Variants in DENND1B observed in about 807,000 individuals in gnomAD.
DENND1B encodes DENN domain-containing protein 1B.
In DENND1B, 59 loss-of-function variants were observed where a neutral mutation model predicts 90.1. The observed-to-expected ratio is 0.65, with a 90% CI of 0.53 to 0.81. DENND1B has a LOEUF of 0.81. DENND1B is among the 40% of genes least tolerant of loss of function. The pLI is 0.00. For missense variants in DENND1B, 862 were observed against 912.6 expected (o/e 0.94, Z 0.71); for synonymous variants, 337 against 324.6 (o/e 1.04, Z -0.41).
chr1:197,709,745 A>C (rs1169133841), intron 3 of DENND1B, among the ~76,000 whole-genome samples: 1 of 95,122 alleles, frequency 1.1e-5, no homozygotes, highest in Non-Finnish European at 2.0e-5. Flanking sequence ...CTTTAAATAT[A>C]AATGGACTAA....
chr1:197,525,963 A>G (rs2125623339), intron 20 of DENND1B, among the ~76,000 whole-genome samples: 1 of 152,238 alleles, frequency 6.6e-6, no homozygotes, highest in South Asian at 2.1e-4. Context: ...GAAAAGCCAT[A>G]AAGAAACTTC....
At chr1:197,529,238 ATATATG>A (rs1208910863) in intron 20 of DENND1B, among the ~76,000 whole-genome samples, 5 of 8,864 alleles carry the variant, frequency 5.6e-4, no homozygotes, top group African/African-American at 1.2e-3. Flanking sequence ...ATATATATAT[ATATATG>A]TGTGTGTGTG....
intron 15 of DENND1B, among the ~76,000 whole-genome samples, chr1:197,582,772 C>T (rs1264027999): frequency 6.6e-6 from 1 of 151,234 alleles, no homozygotes; most frequent in African/African-American, 2.4e-5. Context: ...ATTTTATAAA[C>T]TATATTACAA....
chr1:197,607,037 CA>C (rs774541737), intron 13 of DENND1B, 35 bp downstream of exon 13: 3 of 1,471,710 alleles, frequency 2.0e-6, no homozygotes, highest in Non-Finnish European at 2.8e-6. Context: ...CAGGAGAAAA[CA>C]TATATGTTCA....
intron 3 of DENND1B, among the ~76,000 whole-genome samples, chr1:197,674,679 A>G (rs1041922992): frequency 8.5e-5 from 13 of 152,228 alleles, no homozygotes; most frequent in African/African-American, 3.1e-4. Flanking sequence ...AAAAAAAAAA[A>G]AAAGAGAGAG....
chr1:197,687,712 C>G (rs1361030435), intron 3 of DENND1B, among the ~76,000 whole-genome samples: 2 of 152,026 alleles, frequency 1.3e-5, no homozygotes, highest in African/African-American at 4.8e-5. Context: ...TAACATTAGA[C>G]TTAATAGTGA....
chr1:197,670,575 A>G (rs1171748373), intron 5 of DENND1B, among the ~76,000 whole-genome samples: 1 of 151,506 alleles, frequency 6.6e-6, no homozygotes, highest in Non-Finnish European at 1.5e-5. Flanking sequence ...GTTTATATAA[A>G]AGTTTATTGT....
intron 4 of DENND1B, 149 bp from the exon 5 acceptor site, chr1:197,672,305 G>A: frequency 1.0e-6 from 1 of 970,042 alleles, no homozygotes; most frequent in African/African-American, 1.7e-5. Context: ...TAAAACTAGA[G>A]GAAGTGTGAA....
chr1:197,686,327 G>C (rs1404121157), intron 3 of DENND1B, among the ~76,000 whole-genome samples: 1 of 152,000 alleles, frequency 6.6e-6, no homozygotes, highest in African/African-American at 2.4e-5. Context: ...AGCAGATTAA[G>C]GTAAATTCTG....
chr1:197,732,702 T>C lies in DENND1B; in HGVS notation c.83-17628A>G, dbSNP rs190817038. 2.6e-4 allele frequency among the ~76,000 whole-genome samples: 39 copies of C among 152,280 alleles called. No individual in the cohort carries two copies. In the East Asian group the frequency reaches 7.5e-3, roughly 29 times the overall value. On this transcript the variant is annotated intron_variant, in intron 2 of 22. Transcript: ENST00000620048. ...ATAAAACCTTAATTATTGCTCAAGATTGATATGTGACTGACAAGAGGAGAA... is the reference window on the plus strand; with the variant it reads ...ATAAAACCTTAATTATTGCTCAAGACTGATATGTGACTGACAAGAGGAGAA...
rs577963201 is a variant in DENND1B, at chr1:197,505,268, G to A, written c.*5192C>T. ...TGGAAGTTACACTGTCAGAAGGATG[G>A]TGACTTGACATGTGATGCACTAAAC... On this transcript the variant is annotated 3_prime_UTR_variant, in exon 23 of 23. Coordinates refer to ENST00000620048, the MANE Select transcript of DENND1B (RefSeq NM_001195215.2). The A allele has an allele frequency of 6.6e-6, 1 of 151,640 alleles. No homozygotes were observed. Among genetic ancestry groups the A allele is most frequent in the African/African-American group, 2.4e-5 (1 of 41,354 alleles). The allele number at this position is 151,640 out of a possible 1,614,324, so 9.4% of individuals were successfully genotyped here.
At chr1:197,764,037 A>G (rs1437609676) in intron 2 of DENND1B, among the ~76,000 whole-genome samples, 1 of 152,230 alleles carries the variant, frequency 6.6e-6, no homozygotes, top group Non-Finnish European at 1.5e-5. Flanking sequence ...AATTCTGGTC[A>G]AGCCTAGAAT....
intron 15 of DENND1B, among the ~76,000 whole-genome samples, chr1:197,557,614 T>C (rs1375825230): frequency 6.6e-6 from 1 of 151,918 alleles, no homozygotes; most frequent in Non-Finnish European, 1.5e-5. Context: ...AGTGAAAATG[T>C]TTGTTCTTGT....
chr1:197,595,248 G>A lies in DENND1B; in HGVS notation c.1007C>T (p.Ala336Val). 6.2e-7 allele frequency: 1 copy of A among 1,613,284 alleles called. No homozygotes were observed. Among genetic ancestry groups the A allele is most frequent in the Non-Finnish European group, 8.5e-7 (1 of 1,179,428 alleles). Residue 336 changes from alanine (A) to valine (V), a missense_variant, in exon 14 of 23, where the codon GCT (alanine) becomes GTT (valine). By Grantham distance (64) the Ala-to-Val change is moderately conservative. Transcript: ENST00000620048. ...TGCATCTCTGTAGGATCCAAACAAA[G>A]CAGCCTGTGCTCTAAGAAAGGCCCT... ...VARAFLRAQA[A>V]LFGSYRDALR...
chr1:197,759,123 A>G (rs1177855737), intron 2 of DENND1B, among the ~76,000 whole-genome samples: 1 of 151,316 alleles, frequency 6.6e-6, no homozygotes, highest in Non-Finnish European at 1.5e-5. Context: ...GGTGCACACC[A>G]CTACACCCAG....
chr1:197,749,892 G>C (rs940025919), intron 2 of DENND1B, among the ~76,000 whole-genome samples: 6 of 152,112 alleles, frequency 3.9e-5, no homozygotes, highest in African/African-American at 1.4e-4. Flanking sequence ...CTGTCGCCCA[G>C]GCTGGAATAC....
intron 2 of DENND1B, among the ~76,000 whole-genome samples, chr1:197,744,115 C>T (rs1181995535): frequency 2.0e-5 from 3 of 152,200 alleles, no homozygotes; most frequent in African/African-American, 7.2e-5. Flanking sequence ...TTAAATCCCT[C>T]CAAAGTCATT....
chr1:197,720,827 T>TA lies in DENND1B; in HGVS notation c.83-5754dup, dbSNP rs1424847594. ...TTAAGACTATAAGCAACAGTGAAAATAAAAACAAATTCATTGCTGGAAAGT... is the reference window on the plus strand; with the variant it reads ...TTAAGACTATAAGCAACAGTGAAAATAAAAAACAAATTCATTGCTGGAAAGT... On this transcript the variant is annotated intron_variant, in intron 2 of 22. Coordinates refer to ENST00000620048, the MANE Select transcript of DENND1B (RefSeq NM_001195215.2). 2.0e-5 allele frequency among the ~76,000 whole-genome samples: 3 copies of TA among 152,080 alleles called. No homozygotes were observed. In the South Asian group the frequency reaches 6.2e-4, roughly 31 times the overall value.
chr1:197,731,548 G>T (rs1420138368), intron 2 of DENND1B, among the ~76,000 whole-genome samples: 1 of 152,058 alleles, frequency 6.6e-6, no homozygotes, highest in Admixed American at 6.6e-5. Flanking sequence ...TAGTTACGTG[G>T]CTGGATACTG....
Sources: gnomAD v4.1 joint callset for allele counts (sites outside exome capture counted in the v4.1 genomes callset) on GRCh38, gnomAD v4.1.1 for gene constraint, MANE v1.5 for transcripts, NCBI Gene and HGNC (gene_info 2026-07-23, HGNC 2026-07-21) for gene names.